Variants in P4HA2 observed in about 807,000 individuals in gnomAD.
P4HA2 encodes the protein prolyl 4-hydroxylase subunit alpha 2.
In P4HA2, 46 loss-of-function variants were observed where a neutral mutation model predicts 76.9. The observed-to-expected ratio is 0.60, with a 90% CI of 0.47 to 0.76. P4HA2 has a LOEUF of 0.76. Ranked by LOEUF, P4HA2 falls within the 30% of genes least tolerant of loss-of-function variation. The pLI, the probability that P4HA2 is intolerant of heterozygous loss-of-function variation, is 0.00. For synonymous variants in P4HA2, 243 were observed against 254.0 expected, an observed-to-expected ratio of 0.96 and a Z score of 0.41; for missense variants, 583 against 669.4, an observed-to-expected ratio of 0.87 and a Z score of 1.42.
intron 4 of P4HA2, 61 bp downstream of exon 4, chr5:132,217,136 A>C (rs1049288361): frequency 2.0e-6 from 3 of 1,528,838 alleles, no homozygotes; most frequent in African/African-American, 1.4e-5. Flanking sequence ...CAGACACAAC[A>C]ACCCAGGCAT....
Position 132,204,121 on chromosome 5 carries a change from G to A in P4HA2, c.1112C>T (p.Thr371Ile). ...GTAGCTGGCGACAGTGAGGACTCCT[G>A]TCTTGGGATCACGAACGGTGGCTCG... ...LARATVRDPK[T>I]GVLTVASYRV... is the part of the protein sequence containing the mutation. The change falls in exon 9 of 15, where the codon ACA becomes ATA. Residue 371 changes from threonine (T) to isoleucine (I), a missense_variant. Transcript: ENST00000360568. 10 of 1,613,972 alleles carry A rather than the reference G, an allele frequency of 6.2e-6. No homozygotes were observed. The highest frequency in any genetic ancestry group is 8.5e-6 in the Non-Finnish European group (10 of 1,179,796).
chr5:132,212,465 T>G (rs1753218103), intron 5 of P4HA2, among the ~76,000 whole-genome samples: 1 of 152,090 alleles, frequency 6.6e-6, no homozygotes, highest in South Asian at 2.1e-4. Context: ...GGCTTCTGGC[T>G]TAGGCAGCCA....
intron 1 of P4HA2, among the ~76,000 whole-genome samples, chr5:132,221,290 T>C (rs1754622021): frequency 6.6e-6 from 1 of 152,216 alleles, no homozygotes; most frequent in Non-Finnish European, 1.5e-5. Context: ...AACCCACTTT[T>C]ATGAAAAACA....
At chr5:132,218,776 G>C in intron 1 of P4HA2, 132 bp from the exon 2 acceptor site, 6 of 599,460 alleles carry the variant, frequency 1.0e-5, no homozygotes, top group Non-Finnish European at 1.8e-5. Flanking sequence ...GCACACAGAA[G>C]CTAAAAAGGA....
Position 132,190,319 on chromosome 5 carries a change from C to G in P4HA2, c.*2691G>C, listed in dbSNP as rs953149760. On this transcript the variant is annotated 3_prime_UTR_variant, in exon 15 of 15. Coordinates refer to ENST00000360568, the MANE Select transcript of P4HA2 (RefSeq NM_001017974.2). ...GCTCATCCTTGTAGTCTCTACTGTTCTACTGTAGCTGCCACTCTGTAAACT... is the reference window on the plus strand; with the variant it reads ...GCTCATCCTTGTAGTCTCTACTGTTGTACTGTAGCTGCCACTCTGTAAACT... Among the ~76,000 whole-genome samples, 10 of 152,316 alleles carry G rather than the reference C, an allele frequency of 6.6e-5. No homozygotes were observed. The East Asian group carries it at 1.9e-3, about 29-fold the overall frequency.
At position 132,222,845 on chromosome 5, in the gene P4HA2, C is replaced by T. The variant is rs568039637; in HGVS notation, c.-18-4201G>A. 9.2e-5 allele frequency among the ~76,000 whole-genome samples: 14 copies of T among 152,314 alleles called. No homozygotes were observed. In the South Asian group the frequency reaches 2.9e-3, roughly 32 times the overall value. ...ACAAAGTCTTGCTTCAGTAACTAGACAATGAAGTAGCAGAGAAGGCTGTTA... is the reference window on the plus strand; with the variant it reads ...ACAAAGTCTTGCTTCAGTAACTAGATAATGAAGTAGCAGAGAAGGCTGTTA... On this transcript the variant is annotated intron_variant, in intron 1 of 14. Transcript: ENST00000360568.
At position 132,195,730 on chromosome 5, in the gene P4HA2, G is replaced by C. The variant is rs1018497589; in HGVS notation, c.1366-250C>G. The C allele has an allele frequency of 9.0e-6, 5 of 556,362 alleles. No individual in the cohort carries two copies. In the African/African-American group the frequency reaches 9.4e-5, roughly 10 times the overall value. The allele number at this position is 556,362 out of a possible 1,614,324, so 34.5% of individuals were successfully genotyped here. A position where few individuals can be genotyped will look rare whatever the true frequency, so the allele number is the denominator to read the frequency against. On this transcript the variant is annotated intron_variant, in intron 12 of 14. Transcript: ENST00000360568. ...TGAGGCCCACAGGAGACCCACATCC[G>C]GGCTGTCCCTGGATGAAAATAATCT...
chr5:132,214,515 A>G (rs933054614), intron 4 of P4HA2, among the ~76,000 whole-genome samples: 2 of 152,198 alleles, frequency 1.3e-5, no homozygotes. Context: ...ACAGACTTCC[A>G]GCACACATTT....
chr5:132,211,844 A>C (rs1026766222), intron 5 of P4HA2, among the ~76,000 whole-genome samples: 16 of 152,218 alleles, frequency 1.1e-4, no homozygotes, highest in African/African-American at 3.4e-4. Flanking sequence ...AATAAAGATA[A>C]TATCATCAAT....
intron 4 of P4HA2, 130 bp downstream of exon 4, chr5:132,217,067 C>T: frequency 1.3e-6 from 1 of 792,390 alleles, no homozygotes; most frequent in Non-Finnish European, 2.0e-6. Context: ...GCCATGAGAC[C>T]AGCAGGGTCC....
At chr5:132,193,386 G>A (rs1054147463) in intron 14 of P4HA2, 2 of 192,764 alleles carry the variant, frequency 1.0e-5, no homozygotes, top group Non-Finnish European at 1.1e-5. Flanking sequence ...CTATTCCCAT[G>A]GCAACCTGCA....
chr5:132,214,140 T>C, intron 4 of P4HA2, 87 bp from the exon 5 acceptor site: 1 of 1,378,442 alleles, frequency 7.3e-7, no homozygotes, highest in East Asian at 2.3e-5. Flanking sequence ...ACAAAGAGGG[T>C]CTCTGGCTAG....
chr5:132,214,062 TGA>T lies in P4HA2; in HGVS notation c.332-11_332-10del, dbSNP rs1561488625. ...GAGGTTGGCGATAAAACCTTCCAAA[TGA>T]GAGTCAGAACAAGAGATTACCCTTG... On this transcript the variant is annotated splice_polypyrimidine_tract_variant and intron_variant, in intron 4 of 14. Transcript: ENST00000360568. The T allele has an allele frequency of 1.2e-6, 2 of 1,613,594 alleles. No homozygotes were observed. Among genetic ancestry groups the T allele is most frequent in the Admixed American group, 1.7e-5 (1 of 59,922 alleles).
intron 9 of P4HA2, 63 bp downstream of exon 9, chr5:132,204,019 G>A: frequency 2.2e-6 from 3 of 1,383,418 alleles, no homozygotes; most frequent in Non-Finnish European, 3.1e-6. Flanking sequence ...CATCCCTAGG[G>A]TAGGCACTGA....
At chr5:132,203,974 A>C in intron 9 of P4HA2, 108 bp downstream of exon 9, 2 of 1,136,130 alleles carry the variant, frequency 1.8e-6, no homozygotes, top group Non-Finnish European at 2.7e-6. Flanking sequence ...CAAGGGGGTG[A>C]GGAGGTGCCA....
chr5:132,204,274 A>C (rs570191309), intron 8 of P4HA2, 122 bp from the exon 9 acceptor site: 1 of 798,604 alleles, frequency 1.3e-6, no homozygotes, highest in East Asian at 2.5e-5. Flanking sequence ...CTTTGCAGCC[A>C]ATGGCTCTAG....
At chr5:132,225,377 T>G (rs1389973510) in intron 1 of P4HA2, among the ~76,000 whole-genome samples, 1 of 152,098 alleles carries the variant, frequency 6.6e-6, no homozygotes, top group African/African-American at 2.4e-5. Flanking sequence ...TGGCCACACA[T>G]CAGCCAAGGC....
intron 10 of P4HA2, chr5:132,201,316 C>T (rs1003386411): frequency 4.6e-5 from 7 of 152,190 alleles, no homozygotes; most frequent in African/African-American, 1.4e-4. Context: ...CCTCAATTAC[C>T]TTTTTCCTTC....
intron 6 of P4HA2, 98 bp downstream of exon 6, chr5:132,210,186 T>C: frequency 7.2e-7 from 1 of 1,391,562 alleles, no homozygotes; most frequent in Non-Finnish European, 1.0e-6. Context: ...CAGGGTAAAC[T>C]GACTCAGTCC....
Sources: allele counts gnomAD v4.1 joint callset (sites outside exome capture counted in the v4.1 genomes callset), GRCh38; gene constraint gnomAD v4.1.1; transcripts MANE v1.5; gene names NCBI Gene and HGNC (gene_info 2026-07-23, HGNC 2026-07-21).